The following CAPS2 variants were observed in gnomAD, a reference collection of about 807,000 sequenced individuals.
CAPS2 encodes the protein calcyphosine 2.
In CAPS2, 98 loss-of-function variants were observed where a neutral mutation model predicts 86.5. The ratio of observed to expected loss-of-function variants is 1.13; its 90% confidence interval spans 0.96 to 1.34. The LOEUF (loss-of-function observed/expected upper bound fraction) is 1.34. Ranked by LOEUF, CAPS2 falls within the 40% of genes most tolerant of loss-of-function variation. The probability of loss-of-function intolerance (pLI) is 0.00; values close to 1 mark genes in which losing one functional copy is unlikely to be tolerated. For missense variants in CAPS2, 729 were observed against 686.8 expected (o/e 1.06, Z -0.69); for synonymous variants, 210 against 225.1 (o/e 0.93, Z 0.60).
intron 1 of CAPS2, among the ~76,000 whole-genome samples, chr12:75,377,228 A>G (rs1462327356): frequency 6.6e-6 from 1 of 152,208 alleles, no homozygotes; most frequent in Non-Finnish European, 1.5e-5. Flanking sequence ...AACCAACTAA[A>G]GAAATCCATC....
intron 1 of CAPS2, among the ~76,000 whole-genome samples, chr12:75,358,405 G>T (rs972658169): frequency 3.3e-5 from 5 of 151,696 alleles, no homozygotes; most frequent in African/African-American, 1.2e-4. Flanking sequence ...TTCCAGGAAT[G>T]CAGGTCTCAT....
exon 5 of CAPS2, chr12:75,321,477 A>G (rs1481864128): frequency 6.5e-7 from 1 of 1,546,330 alleles, no homozygotes; most frequent in Non-Finnish European, 8.8e-7. Context: ...CTCTGACTAT[A>G]CTGCTTATAG....
At chr12:75,299,716 AT>A in intron 9 of CAPS2, 120 bp downstream of exon 9, 1 of 460,580 alleles carries the variant, frequency 2.2e-6, no homozygotes, top group East Asian at 3.7e-5. Flanking sequence ...TTTGTTCTAA[AT>A]TCACGTATTT....
chr12:75,357,392 G>T lies in CAPS2; in HGVS notation c.-395+33446C>A, dbSNP rs2043222056. On this transcript the variant is annotated intron_variant, in intron 1 of 5. Transcript: ENST00000551829. ...ATAAGATCCAATATTACTGTAAAGA[G>T]AATTAGATAAATCCATAATTAACAT... 3.3e-5 allele frequency among the ~76,000 whole-genome samples: 5 copies of T among 152,066 alleles called. No homozygotes were observed. In the South Asian group the frequency reaches 1.0e-3, roughly 31 times the overall value.
upstream of CAPS2, chr12:75,334,920 C>T (rs772652168): frequency 3.7e-6 from 6 of 1,608,408 alleles, no homozygotes; most frequent in Admixed American, 5.0e-5. Context: ...AGAACCAGGG[C>T]TGGGCTCTTA....
Position 75,284,943 on chromosome 12 carries a change from A to G in CAPS2, c.1515+18T>C. 1 of 1,580,512 alleles carries G rather than the reference A, an allele frequency of 6.3e-7. No homozygotes were observed. Among genetic ancestry groups the G allele is most frequent in the Admixed American group, 1.8e-5 (1 of 56,204 alleles). ...TCTATTAAAAATAACAATTTGAAAGATTACTTAACAAAGTTACCTTTCGAA... is the reference window on the plus strand; with the variant it reads ...TCTATTAAAAATAACAATTTGAAAGGTTACTTAACAAAGTTACCTTTCGAA... On this transcript the variant is annotated intron_variant, in intron 15 of 16. Transcript: ENST00000393284.
chr12:75,302,410 C>T (rs2037930404), intron 8 of CAPS2, among the ~76,000 whole-genome samples: 1 of 152,150 alleles, frequency 6.6e-6, no homozygotes, highest in Non-Finnish European at 1.5e-5. Context: ...ATGTCATAAC[C>T]ATGCATATAA....
intron 7 of CAPS2, among the ~76,000 whole-genome samples, chr12:75,311,453 G>A (rs769243165): frequency 6.6e-6 from 1 of 151,996 alleles, no homozygotes; most frequent in Non-Finnish European, 1.5e-5. Flanking sequence ...GGAAGAGAGG[G>A]CAATAAAATT....
rs537089177 is a variant in CAPS2, at chr12:75,347,734, T to C, written c.-394-24512A>G. 2.0e-6 allele frequency: 3 copies of C among 1,534,680 alleles called. No individual in the cohort carries two copies. In the African/African-American group the frequency reaches 4.1e-5, roughly 21 times the overall value. On this transcript the variant is annotated intron_variant, in intron 1 of 5. Coordinates refer to the CAPS2 transcript ENST00000551829. ...AACTACGGACCTGCGTGAGTTATTT[T>C]CTCTTAAAAATATTTTAATTGAAAT... is the stretch of plus-strand genomic sequence containing the variant.
intron 11 of CAPS2, among the ~76,000 whole-genome samples, chr12:75,297,086 C>CTTCT (rs146872393): frequency 8.0e-5 from 12 of 150,598 alleles, no homozygotes; most frequent in African/African-American, 2.4e-4. Context: ...TTCTTCTTTC[C>CTTCT]TTCTTTCTTT....
intron 11 of CAPS2, among the ~76,000 whole-genome samples, chr12:75,293,769 C>T (rs2036421422): frequency 1.3e-5 from 2 of 152,136 alleles, no homozygotes; most frequent in African/African-American, 2.4e-5. Context: ...CTTTTGATGA[C>T]AGATGTTGCC....
chr12:75,376,541 C>G (rs1389659344), intron 1 of CAPS2, among the ~76,000 whole-genome samples: 1 of 152,118 alleles, frequency 6.6e-6, no homozygotes, highest in Non-Finnish European at 1.5e-5. Flanking sequence ...CTGCCTCAGG[C>G]AGTACAGGGT....
intron 1 of CAPS2, among the ~76,000 whole-genome samples, chr12:75,382,639 C>CAAA (rs59130420): frequency 8.6e-4 from 123 of 143,108 alleles, no homozygotes; most frequent in Middle Eastern, 3.5e-3. Context: ...GACTCCATCT[C>CAAA]AAAAAAAAAA....
intron 1 of CAPS2, among the ~76,000 whole-genome samples, chr12:75,368,585 C>T (rs1219626647): frequency 6.7e-6 from 1 of 149,890 alleles, no homozygotes; most frequent in Non-Finnish European, 1.5e-5. Flanking sequence ...TGGCTAGATC[C>T]TTGTTAACTT....
chr12:75,291,489 ATATATATATAT>A (rs1305877829), intron 13 of CAPS2, among the ~76,000 whole-genome samples: 1 of 46,232 alleles, frequency 2.2e-5, no homozygotes, highest in Admixed American at 2.4e-4. Flanking sequence ...GCATATATAT[ATATATATATAT>A]ATATATATAT....
At chr12:75,277,758 A>AT (rs929440230) in exon 17 of CAPS2, 1 of 811,974 alleles carries the variant, frequency 1.2e-6, no homozygotes, top group African/African-American at 1.9e-5. Context: ...TGAATCACTT[A>AT]TTTTTTCTAA....
chr12:75,277,436 T>C, exon 17 of CAPS2: 2 of 946,034 alleles, frequency 2.1e-6, no homozygotes, highest in Non-Finnish European at 2.5e-6. Context: ...AAGAAAAAGA[T>C]ATGTGACAAA....
At chr12:75,369,961 G>T (rs780568870) in intron 1 of CAPS2, 55 of 1,090,134 alleles carry the variant, frequency 5.0e-5, no homozygotes, top group Non-Finnish European at 6.4e-5. Flanking sequence ...TTACTTTAGG[G>T]ACTCCACAAC....
chr12:75,276,227 T>C (rs865951186), downstream of CAPS2: 7 of 1,544,606 alleles, frequency 4.5e-6, no homozygotes, highest in Middle Eastern at 1.7e-4. Context: ...AGCATTTTCA[T>C]GTTTGTCCTT....
Sources: gnomAD v4.1 joint callset for allele counts (sites outside exome capture counted in the v4.1 genomes callset) on GRCh38, gnomAD v4.1.1 for gene constraint, MANE v1.5 for transcripts, NCBI Gene and HGNC (gene_info 2026-07-23, HGNC 2026-07-21) for gene names.